NUB1: variants seen among roughly 807,000 people sequenced by gnomAD.
The protein encoded by NUB1 is NEDD8 ultimate buster 1.
Under a neutral mutation model 77.1 loss-of-function variants are expected in NUB1, and 41 were observed. That is an observed-to-expected ratio of 0.53 (90% CI 0.41 to 0.69). The LOEUF (loss-of-function observed/expected upper bound fraction) is 0.69, where lower values mean the gene tolerates loss of function less well. Ranked by LOEUF, NUB1 falls within the 30% of genes least tolerant of loss-of-function variation. The pLI is 0.00. For synonymous variants in NUB1, 257 were observed against 281.0 expected (o/e 0.91, Z 0.85); for missense variants, 643 against 743.8 (o/e 0.86, Z 1.58).
chr7:151,344,488 A>T (rs80067940), intron 1 of NUB1, among the ~76,000 whole-genome samples: 1 of 138,142 alleles, frequency 7.2e-6, no homozygotes, highest in African/African-American at 2.7e-5. Context: ...TTGTTCATAT[A>T]TTTTTTTTTT....
Position 151,360,231 on chromosome 7 carries a change from G to A in NUB1, c.784G>A (p.Ala262Thr), listed in dbSNP as rs762186923. ...YGIALPCLLD[A>T]DKYFCECCRE... ...AATAGCCTTGCCATGTCTGTTGGACGCTGACAAATATTTCTGGTAGGCGCT... is the reference window on the plus strand; with the variant it reads ...AATAGCCTTGCCATGTCTGTTGGACACTGACAAATATTTCTGGTAGGCGCT... The change falls in exon 8 of 15, where the codon GCT (alanine) becomes ACT (threonine). Residue 262 changes from alanine to threonine, a missense_variant. Coordinates refer to ENST00000568733, the MANE Select transcript of NUB1 (RefSeq NM_001243351.2). 6 of 1,600,232 alleles carry A rather than the reference G, an allele frequency of 3.7e-6. No individual in the cohort carries two copies. In the African/African-American group the frequency reaches 6.7e-5, roughly 18 times the overall value.
intron 1 of NUB1, among the ~76,000 whole-genome samples, chr7:151,344,857 G>T (rs1402636190): frequency 6.6e-6 from 1 of 152,040 alleles, no homozygotes; most frequent in Non-Finnish European, 1.5e-5. Context: ...AAAATTAGCC[G>T]GGCGTGGTGG....
intron 3 of NUB1, 140 bp from the exon 4 acceptor site, chr7:151,351,284 A>C: frequency 1.4e-6 from 1 of 698,676 alleles, no homozygotes; most frequent in Non-Finnish European, 2.5e-6. Flanking sequence ...TGTTCAGTAG[A>C]CTTCTAGGCA....
At chr7:151,369,012 C>CTT in intron 11 of NUB1, 125 bp downstream of exon 11, 115 of 999,814 alleles carry the variant, frequency 1.2e-4, no homozygotes, top group South Asian at 2.2e-4. Context: ...GAAACTTGTC[C>CTT]TTTTTTTTTT....
At chr7:151,354,060 T>G (rs562665612) in intron 5 of NUB1, among the ~76,000 whole-genome samples, 3 of 152,340 alleles carry the variant, frequency 2.0e-5, no homozygotes, top group African/African-American at 7.2e-5. Flanking sequence ...AAGGATAGTC[T>G]ACATTTTCTT....
intron 8 of NUB1, among the ~76,000 whole-genome samples, chr7:151,365,093 A>G (rs447776): frequency 0.83 from 125,137 of 151,324 alleles, 52,001 homozygotes; most frequent in East Asian, 0.99. Flanking sequence ...CAAAGTGCTG[A>G]GATTACAGGT....
Position 151,345,484 on chromosome 7 carries a change from C to A in NUB1, c.117+18C>A, listed in dbSNP as rs1038663125. ...CATTAAAGGTATTTTTCTTTTAAGA[C>A]ATCAATAATTAGCAGCATTATAAAT... On this transcript the variant is annotated intron_variant, in intron 2 of 14. Transcript: ENST00000568733. The A allele has an allele frequency of 1.6e-6, 2 of 1,220,658 alleles. No individual in the cohort carries two copies. Among genetic ancestry groups the A allele is most frequent in the Non-Finnish European group, 2.4e-6 (2 of 838,948 alleles). The allele number at this position is 1,220,658 out of a possible 1,614,324, so 75.6% of individuals were successfully genotyped here.
chr7:151,348,418 C>T (rs2150665462), intron 2 of NUB1, among the ~76,000 whole-genome samples: 2 of 151,614 alleles, frequency 1.3e-5, no homozygotes. Context: ...TGGAGTTGAA[C>T]AGTTCATTAT....
At chr7:151,353,017 C>G (rs116860296) in intron 5 of NUB1, 135 bp downstream of exon 5, 6 of 576,884 alleles carry the variant, frequency 1.0e-5, no homozygotes, top group Non-Finnish European at 1.8e-5. Context: ...TAGAAGTTTA[C>G]TAAAATAAAA....
chr7:151,370,632 C>T (rs533149764), intron 11 of NUB1, among the ~76,000 whole-genome samples: 26 of 151,456 alleles, frequency 1.7e-4, no homozygotes, highest in Admixed American at 5.9e-4. Context: ...CATGCTGGTG[C>T]GCTGCACCCA....
chr7:151,359,517 G>A (rs1032041452), intron 7 of NUB1, among the ~76,000 whole-genome samples: 4 of 151,994 alleles, frequency 2.6e-5, no homozygotes, highest in Admixed American at 2.0e-4. Flanking sequence ...CGTGGCTCAC[G>A]CCTGTAATCC....
At chr7:151,368,025 A>G in intron 10 of NUB1, 57 bp downstream of exon 10, 1 of 1,033,232 alleles carries the variant, frequency 9.7e-7, no homozygotes, top group Middle Eastern at 2.6e-4. Context: ...CATTCCCAGA[A>G]GTTAAGGATT....
chr7:151,368,640 C>T, intron 10 of NUB1, 95 bp from the exon 11 acceptor site: 1 of 1,378,724 alleles, frequency 7.3e-7, no homozygotes, highest in Non-Finnish European at 9.7e-7. Context: ...TTTTAATTCA[C>T]ATTGGATACA....
chr7:151,375,839 G>A lies in NUB1; in HGVS notation c.1396-9G>A. 1.3e-6 allele frequency: 2 copies of A among 1,579,066 alleles called. No individual in the cohort carries two copies. The highest frequency in any genetic ancestry group is 1.1e-5 in the South Asian group (1 of 90,386). On this transcript the variant is annotated splice_polypyrimidine_tract_variant and intron_variant, in intron 12 of 14. Coordinates refer to ENST00000568733, the MANE Select transcript of NUB1 (RefSeq NM_001243351.2). ...AGTGATGGGTAAAGGGTGTTCCTGTGTGTTTTAGATTCTGCTCAGCAATCC... is the reference window on the plus strand; with the variant it reads ...AGTGATGGGTAAAGGGTGTTCCTGTATGTTTTAGATTCTGCTCAGCAATCC...
At chr7:151,345,699 G>A (rs1434324720) in intron 2 of NUB1, among the ~76,000 whole-genome samples, 1 of 152,080 alleles carries the variant, frequency 6.6e-6, no homozygotes, top group Non-Finnish European at 1.5e-5. Flanking sequence ...TACCATCACA[G>A]GATTACATAA....
chr7:151,368,782 C>T lies in NUB1; in HGVS notation c.1143C>T (p.Asp381=), dbSNP rs746257071. ...TATATATTGATCCATCAAAAGTGGA[C>T]AATTTGTTGCAGTTGGGGTTTACTG... ...KELYIDPSKV[D]NLLQLGFTAQ... Residue 381 remains aspartate, a synonymous_variant, in exon 11 of 15, where the codon GAC becomes GAT. Transcript: ENST00000568733. 3.1e-5 allele frequency: 50 copies of T among 1,613,852 alleles called. No individual in the cohort carries two copies. The highest frequency in any genetic ancestry group is 2.8e-4 in the Admixed American group (17 of 59,996).
intron 13 of NUB1, 88 bp from the exon 14 acceptor site, chr7:151,376,546 T>G: frequency 1.6e-6 from 2 of 1,285,294 alleles, no homozygotes; most frequent in Non-Finnish European, 2.1e-6. Flanking sequence ...CTCTTAAACA[T>G]GAGAGTCGGC....
At chr7:151,354,068 C>G (rs1372728970) in intron 5 of NUB1, among the ~76,000 whole-genome samples, 1 of 152,202 alleles carries the variant, frequency 6.6e-6, no homozygotes, top group East Asian at 1.9e-4. Context: ...TCTACATTTT[C>G]TTGAATATTA....
rs1797590501 is a variant in NUB1, at chr7:151,364,885, ATCG to A, written c.801-2051_801-2049del. ...ATAAATATTTTACGTTTATTTTAAT[ATCG>A]TCAGCATGAAAATGTAACAGTGTTG... On this transcript the variant is annotated intron_variant, in intron 8 of 14. Coordinates refer to ENST00000568733, the MANE Select transcript of NUB1 (RefSeq NM_001243351.2). Among the ~76,000 whole-genome samples the A allele has an allele frequency of 2.0e-5, 3 of 152,228 alleles. No homozygotes were observed. The South Asian group carries it at 6.2e-4, about 31-fold the overall frequency.
Sources: gnomAD v4.1 joint callset for allele counts (sites outside exome capture counted in the v4.1 genomes callset) on GRCh38, gnomAD v4.1.1 for gene constraint, MANE v1.5 for transcripts, NCBI Gene and HGNC (gene_info 2026-07-23, HGNC 2026-07-21) for gene names.